KATNAL1: variants seen among roughly 807,000 people sequenced by gnomAD.
KATNAL1 encodes the protein katanin p60 ATPase-containing subunit A-like 1.
Under a neutral mutation model 55.2 loss-of-function variants are expected in KATNAL1, and 32 were observed. That is an observed-to-expected ratio of 0.58 (90% confidence interval 0.44 to 0.78). The LOEUF is 0.78. Among genes scored for constraint, KATNAL1 ranks in the 30% least tolerant of loss-of-function variants. KATNAL1 has a pLI of 0.00. For synonymous variants in KATNAL1, 193 were observed against 193.6 expected (o/e 1.00, Z 0.02); for missense variants, 466 against 600.9 (o/e 0.78, Z 2.35).
At position 30,291,917 on chromosome 13, in the gene KATNAL1, C is replaced by G. The variant is rs183236; in HGVS notation, c.-14-8126G>C. On this transcript the variant is annotated intron_variant, in intron 1 of 10. Transcript: ENST00000380615. The stretch of plus-strand genomic sequence containing the variant: ...GGGTGCGGTGGGGCATGCCTGTAAT[C>G]CCAGCTACTCGGGAGGCTGAGGCAG... Among the ~76,000 whole-genome samples the G allele has an allele frequency of 3.6e-3, 547 of 152,134 alleles. 5 individuals are homozygous for G. Among genetic ancestry groups the G allele is most frequent in the Non-Finnish European group, 5.0e-3 (338 of 67,998 alleles).
At chr13:30,224,367 C>T (rs1478963830) in intron 9 of KATNAL1, among the ~76,000 whole-genome samples, 1 of 151,732 alleles carries the variant, frequency 6.6e-6, no homozygotes, top group Non-Finnish European at 1.5e-5. Flanking sequence ...TCTGTCTCTA[C>T]AAAAAATAAA....
chr13:30,238,212 T>C (rs1458481225), intron 6 of KATNAL1, among the ~76,000 whole-genome samples: 1 of 152,230 alleles, frequency 6.6e-6, no homozygotes, highest in African/African-American at 2.4e-5. Context: ...CCCATTTGAA[T>C]CTTCCACTAA....
At chr13:30,224,560 G>A (rs1484063271) in intron 9 of KATNAL1, among the ~76,000 whole-genome samples, 2 of 151,280 alleles carry the variant, frequency 1.3e-5, no homozygotes, top group Non-Finnish European at 1.5e-5. Flanking sequence ...GTGGGGAAGG[G>A]TGGTTCCTAA....
At chr13:30,226,239 T>C (rs1413794338) in intron 9 of KATNAL1, among the ~76,000 whole-genome samples, 2 of 152,214 alleles carry the variant, frequency 1.3e-5, no homozygotes, top group Non-Finnish European at 2.9e-5. Flanking sequence ...AAGCTAAACA[T>C]ATGCCTACCC....
At chr13:30,263,912 C>A (rs1214951657) in intron 3 of KATNAL1, among the ~76,000 whole-genome samples, 1 of 149,546 alleles carries the variant, frequency 6.7e-6, no homozygotes, top group Admixed American at 6.7e-5. Flanking sequence ...GAGCCCACAT[C>A]GCAAAGTCAA....
intron 3 of KATNAL1, among the ~76,000 whole-genome samples, chr13:30,265,887 C>G (rs1023170768): frequency 2.0e-5 from 3 of 151,222 alleles, no homozygotes; most frequent in African/African-American, 7.3e-5. Flanking sequence ...TGGCACGTGC[C>G]TATAATCCCA....
At chr13:30,289,441 A>G (rs1881996762) in intron 1 of KATNAL1, among the ~76,000 whole-genome samples, 1 of 152,218 alleles carries the variant, frequency 6.6e-6, no homozygotes, top group Non-Finnish European at 1.5e-5. Context: ...GCCACTTGGA[A>G]GTTTACTCTG....
chr13:30,241,301 T>G (rs1324036217), intron 4 of KATNAL1, among the ~76,000 whole-genome samples: 1 of 152,216 alleles, frequency 6.6e-6, no homozygotes. Context: ...ATCTACATTC[T>G]TGCAGGAACA....
At chr13:30,261,630 A>G (rs1301644325) in intron 3 of KATNAL1, among the ~76,000 whole-genome samples, 1 of 152,210 alleles carries the variant, frequency 6.6e-6, no homozygotes, top group Non-Finnish European at 1.5e-5. Flanking sequence ...AGGCCATTAC[A>G]TAATGGTAAA....
chr13:30,304,410 T>C (rs909316980), intron 1 of KATNAL1, among the ~76,000 whole-genome samples: 8 of 151,936 alleles, frequency 5.3e-5, no homozygotes, highest in African/African-American at 1.7e-4. Flanking sequence ...GCTGGGACTA[T>C]AGGTGTGCGC....
chr13:30,230,700 CT>C (rs1290038196), intron 7 of KATNAL1, 106 bp from the exon 8 acceptor site: 8 of 791,000 alleles, frequency 1.0e-5, no homozygotes, highest in Non-Finnish European at 1.6e-5. Flanking sequence ...AAACTTCTCA[CT>C]GTTTTAATGC....
At chr13:30,297,617 G>A (rs899387586) in intron 1 of KATNAL1, among the ~76,000 whole-genome samples, 8 of 152,026 alleles carry the variant, frequency 5.3e-5, no homozygotes, top group Non-Finnish European at 8.8e-5. Context: ...AATCAATCTC[G>A]GTATCCATCA....
At chr13:30,213,058 A>C (rs1873845907) in intron 9 of KATNAL1, among the ~76,000 whole-genome samples, 1 of 151,444 alleles carries the variant, frequency 6.6e-6, no homozygotes, top group South Asian at 2.1e-4. Flanking sequence ...CCAGAGTGCA[A>C]CCACCCTGCC....
At chr13:30,215,332 G>A (rs894683909) in intron 9 of KATNAL1, among the ~76,000 whole-genome samples, 6 of 152,202 alleles carry the variant, frequency 3.9e-5, no homozygotes, top group Admixed American at 2.0e-4. Flanking sequence ...TGATGGGACC[G>A]TAAACTAGTT....
chr13:30,232,316 T>C (rs1288507263), intron 6 of KATNAL1, among the ~76,000 whole-genome samples: 1 of 152,172 alleles, frequency 6.6e-6, no homozygotes, highest in Non-Finnish European at 1.5e-5. Flanking sequence ...CTGATCCAAT[T>C]GCTACTTTGG....
chr13:30,288,352 C>T (rs918919343), intron 1 of KATNAL1, among the ~76,000 whole-genome samples: 2 of 152,142 alleles, frequency 1.3e-5, no homozygotes, highest in Admixed American at 6.5e-5. Context: ...CTCAACTGCA[C>T]AGTTAAATGG....
intron 6 of KATNAL1, among the ~76,000 whole-genome samples, chr13:30,235,784 T>C (rs923315072): frequency 5.3e-5 from 8 of 151,902 alleles, no homozygotes; most frequent in African/African-American, 1.7e-4. Context: ...GCTCCCTGAA[T>C]AACTCAGGGG....
At position 30,252,425 on chromosome 13, in the gene KATNAL1, T is replaced by C. The variant is rs143164675; in HGVS notation, c.492+3022A>G. Among the ~76,000 whole-genome samples, 273 of 152,352 alleles carry C rather than the reference T, an allele frequency of 1.8e-3. 1 individual carries two copies. The highest frequency in any genetic ancestry group is 6.0e-3 in the African/African-American group (250 of 41,584). On this transcript the variant is annotated intron_variant, in intron 4 of 10. Transcript: ENST00000380615. ...AGCAAGATATGTCTAACTTCTCTTA[T>C]CCTCAATTTTTTTTACATCTATAAA...
chr13:30,241,386 G>A (rs1276861153), intron 4 of KATNAL1, among the ~76,000 whole-genome samples: 1 of 152,164 alleles, frequency 6.6e-6, no homozygotes, highest in Non-Finnish European at 1.5e-5. Context: ...TGAACTGGTA[G>A]ACGCAGAGGA....
Sources: allele counts gnomAD v4.1 joint callset (sites outside exome capture counted in the v4.1 genomes callset), GRCh38; gene constraint gnomAD v4.1.1; transcripts MANE v1.5; gene names NCBI Gene and HGNC (gene_info 2026-07-23, HGNC 2026-07-21).